MYO9A: variants seen among roughly 807,000 people sequenced by gnomAD.
MYO9A encodes the protein myosin IXA.
A neutral mutation model predicts 293.3 loss-of-function variants in MYO9A; 103 were observed. The observed-to-expected ratio is 0.35, with a 90% CI of 0.30 to 0.41. The LOEUF (loss-of-function observed/expected upper bound fraction) is 0.41. Ranked by LOEUF, MYO9A falls within the 10% of genes least tolerant of loss-of-function variation. The pLI, the probability that MYO9A is intolerant of heterozygous loss-of-function variation, is 1.00. For synonymous variants in MYO9A, 1,001 were observed against 1,035.7 expected, an observed-to-expected ratio of 0.97 and a Z score of 0.64; for missense variants, 2,685 against 3,033.0, an observed-to-expected ratio of 0.89 and a Z score of 2.69.
At chr15:72,029,212 T>C (rs901598701) in intron 3 of MYO9A, among the ~76,000 whole-genome samples, 2 of 152,136 alleles carry the variant, frequency 1.3e-5, no homozygotes, top group Non-Finnish European at 2.9e-5. Flanking sequence ...TTATGTAAAG[T>C]TATAAAGGAA....
chr15:71,877,425 TTAAC>T (rs1007406922), intron 31 of MYO9A, among the ~76,000 whole-genome samples: 1 of 152,172 alleles, frequency 6.6e-6, no homozygotes, highest in Non-Finnish European at 1.5e-5. Flanking sequence ...AATCACATCT[TTAAC>T]TATAATTTTT....
chr15:71,836,123 A>G (rs2054930507), intron 39 of MYO9A, among the ~76,000 whole-genome samples: 1 of 152,250 alleles, frequency 6.6e-6, no homozygotes, highest in South Asian at 2.1e-4. Context: ...ATTTGCAACA[A>G]AAGTAACAAT....
At position 71,903,436 on chromosome 15, in the gene MYO9A, C is replaced by T. The variant is rs566819943; in HGVS notation, c.2878-373G>A. On this transcript the variant is annotated intron_variant, in intron 21 of 41. Transcript: ENST00000356056. The stretch of plus-strand genomic sequence containing the variant: ...GGGTATCACTGAGAATGAGGCTTTC[C>T]GTCCCAGTAACAGCAAAGACTTGCT... 3.3e-5 allele frequency among the ~76,000 whole-genome samples: 5 copies of T among 152,256 alleles called. 1 individual carries two copies. Among genetic ancestry groups the T allele is most frequent in the African/African-American group, 1.2e-4 (5 of 41,552 alleles).
At chr15:72,105,969 T>G (rs1041867034) in intron 1 of MYO9A, among the ~76,000 whole-genome samples, 3 of 152,078 alleles carry the variant, frequency 2.0e-5, no homozygotes, top group African/African-American at 7.2e-5. Flanking sequence ...GAGAAACATC[T>G]TATATACCAA....
rs1461885173 is a variant in MYO9A, at chr15:71,825,640, T to G, written c.*940A>C. 1.3e-5 allele frequency: 2 copies of G among 152,220 alleles called. No individual in the cohort carries two copies. Among genetic ancestry groups the G allele is most frequent in the Non-Finnish European group, 2.9e-5 (2 of 68,028 alleles). The allele number at this position is 152,220 out of a possible 1,614,324, so 9.4% of individuals were successfully genotyped here. On this transcript the variant is annotated 3_prime_UTR_variant, in exon 42 of 42. Transcript: ENST00000356056. ...TTTGAGTCTGAGTCTGTGGTGGGAA[T>G]CCACCAGCAGATGAACAGGCTCATA...
chr15:71,909,448 T>C (rs1343628594), intron 19 of MYO9A, among the ~76,000 whole-genome samples: 2 of 152,238 alleles, frequency 1.3e-5, no homozygotes, highest in Non-Finnish European at 2.9e-5. Flanking sequence ...GCCATTCCAA[T>C]AGCTGTGCTG....
intron 18 of MYO9A, among the ~76,000 whole-genome samples, chr15:71,932,387 G>C (rs899402921): frequency 6.6e-6 from 1 of 151,998 alleles, no homozygotes; most frequent in South Asian, 2.1e-4. Flanking sequence ...CCTTGGGAGG[G>C]AGCAGTGGCA....
In MYO9A at chr15:72,015,629, TAA is replaced by T. The variant is rs376452762; in HGVS notation, c.1155+3408_1155+3409del. On this transcript the variant is annotated intron_variant, in intron 6 of 41. Transcript: ENST00000356056. ...CCCTAAAATTCATGGCTCAGATAAA[TAA>T]AAGAGTTTGGTGAGGCTGACCGACC... 2.7e-4 allele frequency among the ~76,000 whole-genome samples: 41 copies of T among 150,020 alleles called. No homozygotes were observed. In the East Asian group the frequency reaches 6.5e-3, roughly 24 times the overall value.
At chr15:71,916,132 C>A (rs1043154255) in intron 19 of MYO9A, among the ~76,000 whole-genome samples, 1 of 151,952 alleles carries the variant, frequency 6.6e-6, no homozygotes, top group African/African-American at 2.4e-5. Context: ...TTTCTCCTCA[C>A]ACTGAAAATA....
At position 71,848,977 on chromosome 15, in the gene MYO9A, GAAGGA is replaced by G; in HGVS notation, c.6714-14_6714-10del. The G allele has an allele frequency of 1.3e-6, 2 of 1,575,902 alleles. No homozygotes were observed. The highest frequency in any genetic ancestry group is 8.6e-7 in the Non-Finnish European group (1 of 1,167,392). On this transcript the variant is annotated splice_polypyrimidine_tract_variant and intron_variant, in intron 38 of 41. Coordinates refer to ENST00000356056, the MANE Select transcript of MYO9A (RefSeq NM_006901.4). ...CAATCAGTTCCACACAACTGAAACA[GAAGGA>G]AAGAGAAAAAAACTGTTAAGAGGTG... is the stretch of plus-strand genomic sequence containing the variant.
At position 71,968,097 on chromosome 15, in the gene MYO9A, G is replaced by T; in HGVS notation, c.1873C>A (p.Leu625Ile). Residue 625 changes from leucine (L) to isoleucine (I), a missense_variant, in exon 13 of 42, where the codon CTA (leucine) becomes ATA (isoleucine). Leu to Ile is a conservative substitution (Grantham distance 5, BLOSUM62 2). Transcript: ENST00000356056. ...TCATGTTGATGCTTAAACTTGTCTA[G>T]CAATGTTTGATTTGTAGCCTGTGGA... ...NFPQATNQTL[L>I]DKFKHQHEDN... 6.2e-7 allele frequency: 1 copy of T among 1,601,438 alleles called. No individual in the cohort carries two copies. Among genetic ancestry groups the T allele is most frequent in the African/African-American group, 1.3e-5 (1 of 74,524 alleles).
At chr15:72,064,342 T>C (rs996179186) in intron 1 of MYO9A, among the ~76,000 whole-genome samples, 2 of 152,138 alleles carry the variant, frequency 1.3e-5, no homozygotes, top group East Asian at 3.8e-4. Flanking sequence ...CACAAAGAAA[T>C]GATAAATGCT....
chr15:71,898,824 A>G lies in MYO9A; in HGVS notation c.3679T>C (p.Leu1227=), dbSNP rs750624034. The G allele has an allele frequency of 7.4e-6, 12 of 1,614,150 alleles. No homozygotes were observed. The South Asian group carries it at 1.3e-4, about 18-fold the overall frequency. The change falls in exon 25 of 42, where the codon TTG becomes CTG. Residue 1227 remains leucine (L), a synonymous_variant. Coordinates refer to ENST00000356056, the MANE Select transcript of MYO9A (RefSeq NM_006901.4). ...TGCTGCTTGTTTGGTGACTCCTTCA[A>G]GCAGTCCACTGAACTTTCACGGCTA... ...RISRESSVDC[L]KESPNKQQER...
intron 18 of MYO9A, among the ~76,000 whole-genome samples, chr15:71,926,980 C>A (rs1039505567): frequency 6.6e-6 from 1 of 152,128 alleles, no homozygotes; most frequent in Admixed American, 6.5e-5. Context: ...GCTGGGTGGG[C>A]TGGCCCTCAG....
intron 14 of MYO9A, 190 bp downstream of exon 14, chr15:71,959,711 C>A (rs2059281747): frequency 1.7e-6 from 1 of 588,766 alleles, no homozygotes; most frequent in African/African-American, 1.9e-5. Flanking sequence ...CAGTATAACT[C>A]TTTTACAGAA....
At chr15:72,103,942 T>C (rs778221348) in intron 1 of MYO9A, among the ~76,000 whole-genome samples, 10 of 152,228 alleles carry the variant, frequency 6.6e-5, no homozygotes, top group Non-Finnish European at 1.2e-4. Flanking sequence ...ACAACACTAA[T>C]ATTCACTTTA....
intron 2 of MYO9A, among the ~76,000 whole-genome samples, chr15:72,038,063 C>T (rs1168754957): frequency 6.6e-6 from 1 of 152,066 alleles, no homozygotes; most frequent in African/African-American, 2.4e-5. Context: ...ACTACAGGTG[C>T]ATACCAACAC....
intron 11 of MYO9A, among the ~76,000 whole-genome samples, chr15:71,985,482 C>T (rs898263287): frequency 6.6e-6 from 1 of 152,142 alleles, no homozygotes; most frequent in East Asian, 1.9e-4. Context: ...CCTTCTGATG[C>T]CAGGTTTACT....
chr15:72,071,227 G>T (rs2079179743), intron 1 of MYO9A, among the ~76,000 whole-genome samples: 1 of 152,054 alleles, frequency 6.6e-6, no homozygotes, highest in Non-Finnish European at 1.5e-5. Context: ...TCATTAAAAG[G>T]TGGGCAAAGG....
Sources: gnomAD v4.1 joint callset for allele counts (sites outside exome capture counted in the v4.1 genomes callset) on GRCh38, gnomAD v4.1.1 for gene constraint, MANE v1.5 for transcripts, NCBI Gene and HGNC (gene_info 2026-07-23, HGNC 2026-07-21) for gene names.